The following RBFOX1 variants were observed in gnomAD, a reference collection of about 807,000 sequenced individuals.
The protein encoded by RBFOX1 is RNA binding protein fox-1 homolog 1.
A neutral mutation model predicts 57.7 loss-of-function variants in RBFOX1; 8 were observed. That is an observed-to-expected ratio of 0.14 (90% CI 0.08 to 0.25). The LOEUF (loss-of-function observed/expected upper bound fraction) is 0.25. RBFOX1 is among the 10% of genes least tolerant of loss of function. The pLI is 1.00. For synonymous variants in RBFOX1, 326 were observed against 222.4 expected, an observed-to-expected ratio of 1.47 and a Z score of -4.15; for missense variants, 611 against 548.5, an observed-to-expected ratio of 1.11 and a Z score of -1.14.
At chr16:7,023,793 T>C (rs1376038070) in intron 3 of RBFOX1, among the ~76,000 whole-genome samples, 3 of 152,030 alleles carry the variant, frequency 2.0e-5, no homozygotes, top group Non-Finnish European at 2.9e-5. Flanking sequence ...CTCGGCATCC[T>C]TCTGAACACT....
intron 4 of RBFOX1, among the ~76,000 whole-genome samples, chr16:7,158,306 A>G (rs1301382429): frequency 1.3e-5 from 2 of 152,200 alleles, no homozygotes; most frequent in Non-Finnish European, 2.9e-5. Flanking sequence ...AGATCACATC[A>G]CTGCACTCTA....
intron 1 of RBFOX1, among the ~76,000 whole-genome samples, chr16:5,337,286 G>C (rs1432368144): frequency 6.6e-6 from 1 of 152,152 alleles, no homozygotes; most frequent in Non-Finnish European, 1.5e-5. Flanking sequence ...AGGCATTTTT[G>C]ATTTTGTAAA....
chr16:7,142,656 T>A (rs905592831), intron 4 of RBFOX1, among the ~76,000 whole-genome samples: 2 of 152,222 alleles, frequency 1.3e-5, no homozygotes, highest in African/African-American at 4.8e-5. Context: ...GATAACAGTT[T>A]AATCAGTAAT....
At chr16:7,316,716 C>T (rs984457206) in intron 4 of RBFOX1, among the ~76,000 whole-genome samples, 1 of 151,952 alleles carries the variant, frequency 6.6e-6, no homozygotes, top group African/African-American at 2.4e-5. Flanking sequence ...GAAGTGACAT[C>T]AAAGCTGAGA....
intron 4 of RBFOX1, among the ~76,000 whole-genome samples, chr16:7,324,285 C>G (rs930321684): frequency 3.9e-5 from 6 of 152,150 alleles, no homozygotes; most frequent in Admixed American, 3.9e-4. Context: ...AGTTCAGCAA[C>G]TGAATGGAAT....
At chr16:6,138,216 C>T (rs2096683180) in intron 1 of RBFOX1, among the ~76,000 whole-genome samples, 1 of 152,196 alleles carries the variant, frequency 6.6e-6, no homozygotes, top group Admixed American at 6.5e-5. Context: ...CCTGCCCAGC[C>T]ACACCCTGCA....
intron 3 of RBFOX1, among the ~76,000 whole-genome samples, chr16:6,660,932 T>C (rs1199878872): frequency 1.3e-5 from 2 of 152,102 alleles, no homozygotes; most frequent in African/African-American, 4.8e-5. Flanking sequence ...ATCCTTGGTG[T>C]AGGTCAGGAA....
chr16:6,554,456 G>T (rs535050034), intron 2 of RBFOX1, among the ~76,000 whole-genome samples: 1 of 152,212 alleles, frequency 6.6e-6, no homozygotes, highest in East Asian at 1.9e-4. Flanking sequence ...AAATTAAATT[G>T]TGGTGATAAT....
At chr16:5,267,208 A>G (rs541677784) in intron 1 of RBFOX1, among the ~76,000 whole-genome samples, 1 of 152,318 alleles carries the variant, frequency 6.6e-6, no homozygotes, top group Non-Finnish European at 1.5e-5. Context: ...CTTTGCTAAA[A>G]TCTTGTGGAT....
chr16:5,396,108 C>G (rs538568354), intron 1 of RBFOX1, among the ~76,000 whole-genome samples: 1 of 152,128 alleles, frequency 6.6e-6, no homozygotes, highest in African/African-American at 2.4e-5. Context: ...TTTTAAGCCC[C>G]CAGGGTTATG....
chr16:6,134,528 C>G (rs2096652125), intron 1 of RBFOX1, among the ~76,000 whole-genome samples: 1 of 152,128 alleles, frequency 6.6e-6, no homozygotes, highest in African/African-American at 2.4e-5. Context: ...AAACCTAAAG[C>G]TTTCTGCGGG....
chr16:6,890,675 C>G (rs1297710926), intron 3 of RBFOX1, among the ~76,000 whole-genome samples: 1 of 152,186 alleles, frequency 6.6e-6, no homozygotes, highest in African/African-American at 2.4e-5. Flanking sequence ...TCCATCTTGT[C>G]TGTCCCCAGT....
At chr16:5,734,919 C>G (rs1465807225) in intron 3 of RBFOX1, among the ~76,000 whole-genome samples, 2 of 152,228 alleles carry the variant, frequency 1.3e-5, no homozygotes, top group African/African-American at 2.4e-5. Context: ...TAAACACTTT[C>G]TAGCACAGGG....
intron 2 of RBFOX1, among the ~76,000 whole-genome samples, chr16:5,468,051 G>C (rs2069008432): frequency 1.3e-5 from 2 of 152,114 alleles, no homozygotes; most frequent in African/African-American, 4.8e-5. Context: ...CATTTAAGTG[G>C]TGATTAGGGC....
intron 3 of RBFOX1, among the ~76,000 whole-genome samples, chr16:6,762,991 C>G (rs1233845730): frequency 6.6e-6 from 1 of 151,682 alleles, no homozygotes; most frequent in Non-Finnish European, 1.5e-5. Flanking sequence ...AGAAATTTGC[C>G]CAGTGCAAAT....
chr16:6,469,971 C>T (rs2095137249), intron 2 of RBFOX1, among the ~76,000 whole-genome samples: 2 of 152,202 alleles, frequency 1.3e-5, no homozygotes, highest in Non-Finnish European at 2.9e-5. Flanking sequence ...ATGATGTTAA[C>T]TGAGCTCTCA....
At chr16:6,184,528 G>T (rs529544596) in intron 1 of RBFOX1, among the ~76,000 whole-genome samples, 1 of 152,086 alleles carries the variant, frequency 6.6e-6, no homozygotes, top group Non-Finnish European at 1.5e-5. Flanking sequence ...ATGTGAAAGA[G>T]AGAGAGGGGT....
chr16:5,538,514 G>A (rs1049671824), intron 2 of RBFOX1, among the ~76,000 whole-genome samples: 1 of 152,056 alleles, frequency 6.6e-6, no homozygotes, highest in African/African-American at 2.4e-5. Flanking sequence ...GCTTGAGGTT[G>A]GACAGGCAGT....
At chr16:6,956,649 T>C (rs2081910855) in intron 3 of RBFOX1, among the ~76,000 whole-genome samples, 2 of 152,218 alleles carry the variant, frequency 1.3e-5, no homozygotes, top group South Asian at 2.1e-4. Flanking sequence ...CTGCTATTTG[T>C]GGCTGATGTT....
Sources: allele counts gnomAD v4.1 joint callset (sites outside exome capture counted in the v4.1 genomes callset), GRCh38; gene constraint gnomAD v4.1.1; transcripts MANE v1.5; gene names NCBI Gene and HGNC (gene_info 2026-07-23, HGNC 2026-07-21).